Variants in TIAM1 observed in about 807,000 individuals in gnomAD.
TIAM1 encodes rho guanine nucleotide exchange factor TIAM1.
Under a neutral mutation model 163.5 loss-of-function variants are expected in TIAM1, and 65 were observed. The observed-to-expected ratio is 0.40, with a 90% confidence interval of 0.33 to 0.49. The LOEUF is 0.49. Among genes scored for constraint, TIAM1 ranks in the 20% least tolerant of loss-of-function variants. TIAM1 has a pLI of 0.77. For synonymous variants in TIAM1, 833 were observed against 810.1 expected (o/e 1.03, Z -0.48); for missense variants, 1,789 against 2,044.7 (o/e 0.87, Z 2.41).
At chr21:31,125,240 T>C (rs570866641) in intron 26 of TIAM1, among the ~76,000 whole-genome samples, 72 of 147,650 alleles carry the variant, frequency 4.9e-4, no homozygotes, top group Admixed American at 9.5e-4. Context: ...AAAAAAAAAG[T>C]GCTTCCTAGG....
chr21:31,414,497 A>T (rs539091456), intron 2 of TIAM1, among the ~76,000 whole-genome samples: 20 of 152,238 alleles, frequency 1.3e-4, no homozygotes, highest in African/African-American at 4.8e-4. Flanking sequence ...TGGAGGTGGG[A>T]GCAACGGCCC....
chr21:31,260,597 G>C (rs1452488560), intron 4 of TIAM1, among the ~76,000 whole-genome samples: 1 of 151,106 alleles, frequency 6.6e-6, no homozygotes, highest in Non-Finnish European at 1.5e-5. Context: ...ACAGATCTTG[G>C]CAAAGAAGAT....
intron 2 of TIAM1, among the ~76,000 whole-genome samples, chr21:31,338,887 C>A (rs76153271): frequency 6.6e-6 from 1 of 152,156 alleles, no homozygotes; most frequent in African/African-American, 2.4e-5. Context: ...CAAACCAGCA[C>A]GTTGATACCA....
At chr21:31,364,802 CAG>C (rs1272335580) in intron 2 of TIAM1, among the ~76,000 whole-genome samples, 1 of 152,070 alleles carries the variant, frequency 6.6e-6, no homozygotes, top group Non-Finnish European at 1.5e-5. Flanking sequence ...GGAGGAAGGA[CAG>C]AGGACAGGCC....
In TIAM1 at chr21:31,292,724, AAC is replaced by A. The variant is rs2074075002; in HGVS notation, c.-188-15818_-188-15817del. Among the ~76,000 whole-genome samples, 3 of 147,852 alleles carry A rather than the reference AAC, an allele frequency of 2.0e-5. No homozygotes were observed. In the East Asian group the frequency reaches 6.1e-4, roughly 30 times the overall value. On this transcript the variant is annotated intron_variant, in intron 2 of 27. Transcript: ENST00000541036. ...CACTTTGTTACCCAGGCTGGAGTGC[AAC>A]GCGGTGATCTCAGCTCACTGCAACC...
intron 2 of TIAM1, among the ~76,000 whole-genome samples, chr21:31,286,565 TAGTC>T (rs1299938901): frequency 6.6e-6 from 1 of 151,406 alleles, no homozygotes; most frequent in East Asian, 1.9e-4. Flanking sequence ...AAAAAAAAAT[TAGTC>T]AGGTGTGGTG....
At chr21:31,430,247 T>TATAC (rs1491352162) in intron 2 of TIAM1, among the ~76,000 whole-genome samples, 25 of 106,924 alleles carry the variant, frequency 2.3e-4, no homozygotes, top group African/African-American at 3.7e-4. Flanking sequence ...TATATATATA[T>TATAC]ACACACACAC....
intron 19 of TIAM1, 133 bp downstream of exon 19, chr21:31,152,503 A>C (rs2083425320): frequency 1.6e-6 from 2 of 1,229,514 alleles, no homozygotes; most frequent in African/African-American, 1.5e-5. Context: ...GACACACTCC[A>C]TTCCCCTCCC....
intron 1 of TIAM1, among the ~76,000 whole-genome samples, chr21:31,497,134 C>T (rs34403849): frequency 0.2 from 30,935 of 152,076 alleles, 3,293 homozygotes; most frequent in Middle Eastern, 0.28. Context: ...TTGGGGATCC[C>T]CTAGGCTATC....
At chr21:31,184,252 C>T (rs553980051) in intron 14 of TIAM1, among the ~76,000 whole-genome samples, 14 of 152,050 alleles carry the variant, frequency 9.2e-5, no homozygotes, top group African/African-American at 2.2e-4. Context: ...ATTATAGGTG[C>T]GCACCACCAT....
chr21:31,321,382 C>T (rs193224871), intron 2 of TIAM1, among the ~76,000 whole-genome samples: 36 of 151,866 alleles, frequency 2.4e-4, no homozygotes, highest in Non-Finnish European at 4.0e-4. Context: ...GACGGAGTTT[C>T]GCTCTTGTTG....
chr21:31,291,370 G>GCTTCCAATCCAGAAAGTCTGCTTCTGTTT (rs1369030891), intron 2 of TIAM1, among the ~76,000 whole-genome samples: 19 of 152,196 alleles, frequency 1.2e-4, no homozygotes. Flanking sequence ...TCTCTGGCCA[G>GCTTCCAATCCAGAAAGTCTGCTTCTGTTT]CTTCCAATCC....
intron 1 of TIAM1, among the ~76,000 whole-genome samples, chr21:31,543,871 T>C (rs2048400097): frequency 6.6e-6 from 1 of 152,180 alleles, no homozygotes; most frequent in Admixed American, 6.5e-5. Flanking sequence ...TCAAGCTTCT[T>C]AGCACTGAGG....
rs151304070 is a variant in TIAM1 at position 31,150,221 on chromosome 21, A to G, written c.3366+2415T>C. ...TATATACATATATATTCACATACTT[A>G]TGTGTGTTTGTATGTAATTCTTAGT... On this transcript the variant is annotated intron_variant, in intron 19 of 27. Coordinates refer to ENST00000541036, the MANE Select transcript of TIAM1 (RefSeq NM_001353694.2). 5.3e-5 allele frequency among the ~76,000 whole-genome samples: 8 copies of G among 152,316 alleles called. No individual in the cohort carries two copies. The East Asian group carries it at 1.2e-3, about 22-fold the overall frequency.
chr21:31,430,530 CAA>C (rs1192101622), intron 2 of TIAM1, among the ~76,000 whole-genome samples: 2 of 151,140 alleles, frequency 1.3e-5, no homozygotes. Flanking sequence ...GTATAATAAA[CAA>C]AGACCAGACA....
intron 1 of TIAM1, among the ~76,000 whole-genome samples, chr21:31,538,395 T>A (rs1342396229): frequency 6.6e-6 from 1 of 152,176 alleles, no homozygotes; most frequent in Non-Finnish European, 1.5e-5. Context: ...ATTTTTTAAA[T>A]AGCCGGGTGT....
intron 2 of TIAM1, among the ~76,000 whole-genome samples, chr21:31,304,796 G>C (rs576108875): frequency 6.6e-6 from 1 of 152,130 alleles, no homozygotes; most frequent in African/African-American, 2.4e-5. Context: ...GGGTTTAAGC[G>C]ATTCTCGTGC....
intron 26 of TIAM1, 55 bp downstream of exon 26, chr21:31,127,010 C>T (rs1390904285): frequency 9.0e-6 from 14 of 1,563,670 alleles, no homozygotes; most frequent in South Asian, 1.1e-5. Context: ...GACACCAAAC[C>T]GTTCCAATCT....
At chr21:31,330,997 T>A (rs937010849) in intron 2 of TIAM1, among the ~76,000 whole-genome samples, 1 of 152,162 alleles carries the variant, frequency 6.6e-6, no homozygotes, top group Non-Finnish European at 1.5e-5. Context: ...TAAATAAACA[T>A]GTCCGTGGAA....
Sources: gnomAD v4.1 joint callset for allele counts (sites outside exome capture counted in the v4.1 genomes callset) on GRCh38, gnomAD v4.1.1 for gene constraint, MANE v1.5 for transcripts, NCBI Gene and HGNC (gene_info 2026-07-23, HGNC 2026-07-21) for gene names.